BCL2: variants seen among roughly 807,000 people sequenced by gnomAD.
BCL2 encodes apoptosis regulator Bcl-2.
A neutral mutation model predicts 14.2 loss-of-function variants in BCL2; 1 was observed. The ratio of observed to expected loss-of-function variants is 0.07; its 90% CI spans 0.02 to 0.33. The LOEUF (loss-of-function observed/expected upper bound fraction) is 0.33, where lower values mean the gene tolerates loss of function less well. BCL2 is among the 10% of genes least tolerant of loss of function. BCL2 has a pLI of 0.99. For synonymous variants in BCL2, 151 were observed against 137.2 expected (o/e 1.10, Z -0.70); for missense variants, 247 against 305.9 (o/e 0.81, Z 1.44).
At chr18:63,246,460 G>A (rs12604822) in intron 2 of BCL2, among the ~76,000 whole-genome samples, 4,035 of 152,198 alleles carry the variant, frequency 0.027, 107 homozygotes, top group East Asian at 0.058. Context: ...AAGACATGGC[G>A]GCAAACAAGA....
chr18:63,172,910 G>A (rs1279648950), intron 2 of BCL2, among the ~76,000 whole-genome samples: 4 of 152,194 alleles, frequency 2.6e-5, no homozygotes, highest in Admixed American at 6.5e-5. Context: ...TCTCAACTCC[G>A]CATTCATTCC....
At chr18:63,162,531 G>A (rs568131593) in intron 2 of BCL2, among the ~76,000 whole-genome samples, 14 of 152,202 alleles carry the variant, frequency 9.2e-5, no homozygotes, top group Middle Eastern at 3.4e-3. Flanking sequence ...AGGCAGGCAC[G>A]CGGGTGACAC....
intron 2 of BCL2, among the ~76,000 whole-genome samples, chr18:63,241,871 T>C (rs1911012491): frequency 6.6e-6 from 1 of 152,186 alleles, no homozygotes; most frequent in Admixed American, 6.5e-5. Context: ...AAAATACAAC[T>C]TTGAAAAGGA....
rs1240557655 is a variant in BCL2, at chr18:63,223,934, G to A, written c.585+94148C>T. ...GGAAAGACAGAGTTCAAAACAAACA[G>A]ACTGAAAAAGACAACATGGAGGAGA... On this transcript the variant is annotated intron_variant, in intron 2 of 2. Transcript: ENST00000333681. 4.6e-5 allele frequency among the ~76,000 whole-genome samples: 7 copies of A among 151,954 alleles called. No homozygotes were observed. In the East Asian group the frequency reaches 1.2e-3, roughly 25 times the overall value.
intron 2 of BCL2, among the ~76,000 whole-genome samples, chr18:63,222,064 T>A (rs572122666): frequency 6.6e-6 from 1 of 152,154 alleles, no homozygotes; most frequent in East Asian, 1.9e-4. Flanking sequence ...GCAGATCACT[T>A]GAGGTCAGGA....
chr18:63,253,116 T>C (rs1226998089), intron 2 of BCL2, among the ~76,000 whole-genome samples: 1 of 152,264 alleles, frequency 6.6e-6, no homozygotes, highest in East Asian at 1.9e-4. Context: ...GTAGTGTTTA[T>C]TACATAGCTG....
intron 2 of BCL2, among the ~76,000 whole-genome samples, chr18:63,260,857 A>G (rs986173837): frequency 5.3e-5 from 8 of 152,236 alleles, no homozygotes; most frequent in Non-Finnish European, 1.0e-4. Context: ...GAAAAAAAAT[A>G]GGGCAAAACA....
At chr18:63,218,780 T>A (rs2144683464) in intron 2 of BCL2, among the ~76,000 whole-genome samples, 1 of 44,226 alleles carries the variant, frequency 2.3e-5, no homozygotes, top group Non-Finnish European at 4.4e-5. Context: ...ATCCCCATCC[T>A]CCACTCATCC....
At chr18:63,238,867 G>T (rs763031092) in intron 2 of BCL2, among the ~76,000 whole-genome samples, 1 of 152,188 alleles carries the variant, frequency 6.6e-6, no homozygotes, top group Non-Finnish European at 1.5e-5. Flanking sequence ...TCTCTACCTG[G>T]AGCATCCCCA....
chr18:63,130,741 T>C (rs558632970), intron 2 of BCL2, among the ~76,000 whole-genome samples: 125 of 152,344 alleles, frequency 8.2e-4, no homozygotes, highest in African/African-American at 2.8e-3. Flanking sequence ...ATAAACAATA[T>C]CATGATATAT....
rs566986730 is a variant in BCL2, at chr18:63,129,910, T to G, written c.586-1151A>C. Among the ~76,000 whole-genome samples, 3 of 152,298 alleles carry G rather than the reference T, an allele frequency of 2.0e-5. No homozygotes were observed. The East Asian group carries it at 5.8e-4, about 29-fold the overall frequency. On this transcript the variant is annotated intron_variant, in intron 2 of 2. Transcript: ENST00000333681. ...GGTGGCTAGACTGGACGACCACAAC[T>G]CTGCATTTACTCAAATTGTGGATCT...
At chr18:63,146,462 G>C (rs1182773779) in intron 2 of BCL2, among the ~76,000 whole-genome samples, 2 of 152,234 alleles carry the variant, frequency 1.3e-5, no homozygotes, top group South Asian at 4.1e-4. Flanking sequence ...CTGACAGGAC[G>C]CCAGGCCTGC....
chr18:63,124,164 TG>T lies in BCL2; in HGVS notation c.*4460del, dbSNP rs1180692532. 8.1e-5 allele frequency: 18 copies of T among 222,464 alleles called. No individual in the cohort carries two copies. The highest frequency in any genetic ancestry group is 1.4e-4 in the Non-Finnish European group (16 of 111,246). The allele number at this position is 222,464 out of a possible 1,614,324, so 13.8% of individuals were successfully genotyped here. A position where few individuals can be genotyped will look rare whatever the true frequency, so the allele number is the denominator to read the frequency against. Reference sequence around the variant, plus strand: ...AAAGACATGGAACAGAATGATTCACTGGGTAAGACTAAAGGACTTGTATTAT... The same window carrying T: ...AAAGACATGGAACAGAATGATTCACTGGTAAGACTAAAGGACTTGTATTAT... On this transcript the variant is annotated 3_prime_UTR_variant, in exon 3 of 3. Coordinates refer to ENST00000333681, the MANE Select transcript of BCL2 (RefSeq NM_000633.3).
chr18:63,258,712 G>A (rs1911560006), intron 2 of BCL2, among the ~76,000 whole-genome samples: 1 of 152,216 alleles, frequency 6.6e-6, no homozygotes, highest in South Asian at 2.1e-4. Flanking sequence ...AGTTGGGAGG[G>A]CATTGGCCTG....
rs996798772 is a variant in BCL2 at position 63,128,324 on chromosome 18, C to T, written c.*301G>A. The T allele has an allele frequency of 1.5e-5, 4 of 268,994 alleles. No individual in the cohort carries two copies. The highest frequency in any genetic ancestry group is 2.2e-4 in the South Asian group (2 of 9,038). The allele number at this position is 268,994 out of a possible 1,614,324, so 16.7% of individuals were successfully genotyped here. On this transcript the variant is annotated 3_prime_UTR_variant, in exon 3 of 3. Transcript: ENST00000333681. ...GAAGCGGTGCTTGGCAATTAGTGGT[C>T]GGATTTCCAAAGACAGGAGTTTTGA... is the stretch of plus-strand genomic sequence containing the variant.
intron 2 of BCL2, among the ~76,000 whole-genome samples, chr18:63,202,145 C>T (rs1960077672): frequency 1.3e-5 from 2 of 151,900 alleles, no homozygotes; most frequent in Admixed American, 6.5e-5. Context: ...CCTGTCTCTA[C>T]TAAAAATACA....
At chr18:63,139,935 A>G (rs1410058187) in intron 2 of BCL2, among the ~76,000 whole-genome samples, 1 of 152,214 alleles carries the variant, frequency 6.6e-6, no homozygotes, top group Non-Finnish European at 1.5e-5. Flanking sequence ...AAAAAACTTA[A>G]TTATTATAAC....
Position 63,149,862 on chromosome 18 carries a change from T to A in BCL2, c.586-21103A>T, listed in dbSNP as rs958536895. ...CATGAGGCATTTATTTATTTATTTA[T>A]TTATTTATTTATTTATTTATTTATT... On this transcript the variant is annotated intron_variant, in intron 2 of 2. Transcript: ENST00000333681. This position sits in a 1 kb window ranked among gnomAD's most constrained non-coding sequence, Gnocchi z 4.2. Among the ~76,000 whole-genome samples, 13 of 149,992 alleles carry A rather than the reference T, an allele frequency of 8.7e-5. No individual in the cohort carries two copies. Among genetic ancestry groups the A allele is most frequent in the Non-Finnish European group, 1.6e-4 (11 of 67,738 alleles).
intron 2 of BCL2, among the ~76,000 whole-genome samples, chr18:63,158,950 T>A (rs1436255438): frequency 4.6e-5 from 7 of 152,234 alleles, no homozygotes; most frequent in Non-Finnish European, 7.4e-5. Flanking sequence ...TAACCCCCCA[T>A]CCCACTGCCT....
Sources: gnomAD v4.1 joint callset for allele counts (sites outside exome capture counted in the v4.1 genomes callset) on GRCh38, gnomAD v4.1.1 for gene constraint, Gnocchi (gnomAD v3.1) non-coding constraint, MANE v1.5 for transcripts, NCBI Gene and HGNC (gene_info 2026-07-23, HGNC 2026-07-21) for gene names.